Variants in SCAPER observed in about 807,000 individuals in gnomAD.
SCAPER encodes the protein S phase cyclin A-associated protein in the endoplasmic reticulum.
A neutral mutation model predicts 182.2 loss-of-function variants in SCAPER; 98 were observed. That is an observed-to-expected ratio of 0.54 (90% CI 0.46 to 0.64). The LOEUF (loss-of-function observed/expected upper bound fraction) is 0.64. Ranked by LOEUF, SCAPER falls within the 30% of genes least tolerant of loss-of-function variation. SCAPER has a pLI of 0.00. For synonymous variants in SCAPER, 605 were observed against 564.6 expected (o/e 1.07, Z -1.01); for missense variants, 1,432 against 1,690.0 (o/e 0.85, Z 2.68).
chr15:76,477,511 A>C (rs1012606311), intron 24 of SCAPER, among the ~76,000 whole-genome samples: 1 of 152,176 alleles, frequency 6.6e-6, no homozygotes, highest in Non-Finnish European at 1.5e-5. Context: ...TAAATTTCCA[A>C]TAATGATAAT....
At chr15:76,898,966 C>T (rs1230002700) in intron 1 of SCAPER, among the ~76,000 whole-genome samples, 2 of 152,118 alleles carry the variant, frequency 1.3e-5, no homozygotes, top group East Asian at 1.9e-4. Flanking sequence ...AAGCTATGTC[C>T]TAATCCAAAA....
At chr15:76,402,425 G>A (rs1281074303) in intron 27 of SCAPER, among the ~76,000 whole-genome samples, 1 of 152,014 alleles carries the variant, frequency 6.6e-6, no homozygotes, top group Non-Finnish European at 1.5e-5. Context: ...AATAACATCT[G>A]GTATACCACA....
In SCAPER at chr15:76,702,884, T is replaced by A. The variant is rs1598261089; in HGVS notation, c.2366A>T (p.Glu789Val). The change falls in exon 19 of 32, where the codon GAA (glutamate) becomes GTA (valine). Residue 789 changes from glutamate to valine, a missense_variant. This residue lies in a region of SCAPER where 718 missense variants were observed against 799.7 expected (regional missense o/e 0.90). Transcript: ENST00000563290. ...GCAGAGAGAACACTGCTTCTTTCTT[T>A]CATAAGGGGTCAGTTTGGGGGCATA... ...TDYAPKLTPY[E>V]RKKQCSLCNV... 6.2e-7 allele frequency: 1 copy of A among 1,608,986 alleles called. No individual in the cohort carries two copies. The highest frequency in any genetic ancestry group is 2.2e-5 in the East Asian group (1 of 44,738).
At chr15:76,877,191 ACAGAGACCCTGT>A (rs1324550252) in intron 2 of SCAPER, among the ~76,000 whole-genome samples, 1 of 151,816 alleles carries the variant, frequency 6.6e-6, no homozygotes, top group East Asian at 1.9e-4. Flanking sequence ...TGCCTGGGTG[ACAGAGACCCTGT>A]CTTTAAAAAA....
chr15:76,840,266 T>A (rs2069343175), intron 5 of SCAPER, among the ~76,000 whole-genome samples: 1 of 151,644 alleles, frequency 6.6e-6, no homozygotes, highest in African/African-American at 2.4e-5. Flanking sequence ...AAAATTTTTT[T>A]AAAATTAGCC....
At chr15:76,640,298 T>C (rs112285970) in intron 21 of SCAPER, among the ~76,000 whole-genome samples, 32 of 152,334 alleles carry the variant, frequency 2.1e-4, no homozygotes, top group Non-Finnish European at 3.4e-4. Flanking sequence ...GTTTAGAACA[T>C]AGATTACAAA....
chr15:76,753,721 A>C, intron 15 of SCAPER, 87 bp downstream of exon 15: 2 of 1,413,294 alleles, frequency 1.4e-6, no homozygotes, highest in Non-Finnish European at 1.9e-6. Flanking sequence ...TAAACATTGG[A>C]TAAACATTAT....
At chr15:76,452,646 A>C (rs971829179) in intron 25 of SCAPER, among the ~76,000 whole-genome samples, 5 of 152,200 alleles carry the variant, frequency 3.3e-5, no homozygotes, top group South Asian at 2.1e-4. Context: ...TTCAGCTCCA[A>C]GAAATAAGCC....
chr15:76,502,998 G>A (rs1237975729), intron 24 of SCAPER, among the ~76,000 whole-genome samples: 1 of 152,074 alleles, frequency 6.6e-6, no homozygotes, highest in Non-Finnish European at 1.5e-5. Context: ...TGGGAAATAG[G>A]CATTTAATCC....
chr15:76,635,164 T>C (rs1006185954), intron 21 of SCAPER, among the ~76,000 whole-genome samples: 2 of 152,192 alleles, frequency 1.3e-5, no homozygotes, highest in Admixed American at 6.5e-5. Context: ...TCAGGGTCTC[T>C]GGAGCCTATC....
At chr15:76,397,049 T>C (rs930812165) in intron 27 of SCAPER, among the ~76,000 whole-genome samples, 1 of 151,792 alleles carries the variant, frequency 6.6e-6, no homozygotes, top group African/African-American at 2.4e-5. Flanking sequence ...TGATGTTGAA[T>C]TTCATCAAAT....
chr15:76,628,209 A>G (rs1008295318), intron 21 of SCAPER, among the ~76,000 whole-genome samples: 1 of 151,894 alleles, frequency 6.6e-6, no homozygotes, highest in Non-Finnish European at 1.5e-5. Context: ...GATTGCAAAA[A>G]TTTTCTCCCA....
intron 20 of SCAPER, among the ~76,000 whole-genome samples, chr15:76,678,445 A>G (rs1040880855): frequency 6.6e-6 from 1 of 152,138 alleles, no homozygotes; most frequent in African/African-American, 2.4e-5. Flanking sequence ...AAATATTATT[A>G]AGTATACCAC....
At position 76,765,079 on chromosome 15, in the gene SCAPER, AT is replaced by A; in HGVS notation, c.1614-8del. 1 of 1,515,960 alleles carries A rather than the reference AT, an allele frequency of 6.6e-7. No individual in the cohort carries two copies. Among genetic ancestry groups the A allele is most frequent in the South Asian group, 1.2e-5 (1 of 83,010 alleles). 93.9% of individuals were successfully genotyped at this position (1,515,960 alleles called of 1,614,324 possible). On this transcript the variant is annotated splice_polypyrimidine_tract_variant and splice_region_variant and intron_variant, in intron 13 of 31. Coordinates refer to ENST00000563290, the MANE Select transcript of SCAPER (RefSeq NM_020843.4). ...CTTAGATTCTGCAATTGTTCTATTA[AT>A]ACAAACAAATGGACAAGAGACATGA...
At chr15:76,825,315 G>A (rs1313539192) in intron 5 of SCAPER, among the ~76,000 whole-genome samples, 1 of 151,960 alleles carries the variant, frequency 6.6e-6, no homozygotes, top group Non-Finnish European at 1.5e-5. Context: ...GTTAACTGAT[G>A]ATAGCTCCTA....
chr15:76,875,984 C>T (rs549596254), intron 2 of SCAPER, among the ~76,000 whole-genome samples: 1 of 152,176 alleles, frequency 6.6e-6, no homozygotes, highest in Non-Finnish European at 1.5e-5. Context: ...CGCTGGGAGG[C>T]AGCAAAGGCC....
In SCAPER at chr15:76,598,961, G is replaced by A. The variant is rs191608543; in HGVS notation, c.2711+22803C>T. 7.1e-4 allele frequency among the ~76,000 whole-genome samples: 83 copies of A among 117,388 alleles called. 7 individuals carry two copies. Among genetic ancestry groups the A allele is most frequent in the African/African-American group, 2.1e-3 (81 of 38,994 alleles). 77.0% of individuals were successfully genotyped at this position (117,388 alleles called of 152,430 possible). ...ATTAAAAAAAAAAAACTTTTGCCAG[G>A]ACCCAGTTTCTAGCGGTAATAAAAT... is the stretch of plus-strand genomic sequence containing the variant. On this transcript the variant is annotated intron_variant, in intron 22 of 31. Transcript: ENST00000563290.
At chr15:76,369,587 A>C (rs1041021384) in intron 29 of SCAPER, among the ~76,000 whole-genome samples, 3 of 152,198 alleles carry the variant, frequency 2.0e-5, no homozygotes, top group African/African-American at 7.2e-5. Context: ...GGTGCCATGA[A>C]TCTATGACTG....
chr15:76,496,044 T>TGA (rs1213548534), intron 24 of SCAPER, among the ~76,000 whole-genome samples: 4 of 111,934 alleles, frequency 3.6e-5, no homozygotes, highest in African/African-American at 1.4e-4. Context: ...ACACACAGAA[T>TGA]GAGAGAGAGA....
Sources: gnomAD v4.1 joint callset for allele counts (sites outside exome capture counted in the v4.1 genomes callset) on GRCh38, gnomAD v4.1.1 for gene constraint, gnomAD v4.1.1 regional missense constraint, MANE v1.5 for transcripts, NCBI Gene and HGNC (gene_info 2026-07-23, HGNC 2026-07-21) for gene names.